Variants in COL5A2 observed in about 807,000 individuals in gnomAD.
COL5A2 encodes collagen alpha-2(V) chain.
Under a neutral mutation model 208.2 loss-of-function variants are expected in COL5A2, and 23 were observed. That is an observed-to-expected ratio of 0.11 (90% CI 0.08 to 0.16). The LOEUF (loss-of-function observed/expected upper bound fraction) is 0.16. Among genes scored for constraint, COL5A2 ranks in the 10% least tolerant of loss-of-function variants. The probability of loss-of-function intolerance (pLI) is 1.00; values close to 1 mark genes in which losing one functional copy is unlikely to be tolerated. For synonymous variants in COL5A2, 625 were observed against 628.5 expected, an observed-to-expected ratio of 0.99 and a Z score of 0.08; for missense variants, 1,590 against 1,956.4, an observed-to-expected ratio of 0.81 and a Z score of 3.53.
the COL5A2 span, among the ~76,000 whole-genome samples, chr2:189,261,699 G>A: frequency 2.0e-5 from 3 of 152,130 alleles, no homozygotes; most frequent in African/African-American, 7.2e-5. Context: ...CAGAATTTGG[G>A]GTAGAGTGTA....
intron 1 of COL5A2, among the ~76,000 whole-genome samples, chr2:189,176,395 C>T (rs571452050): frequency 1.3e-5 from 2 of 152,284 alleles, no homozygotes; most frequent in South Asian, 4.1e-4. Flanking sequence ...CACTGGCTTG[C>T]TTCACTTGTT....
At chr2:189,318,502 C>G in the COL5A2 span, among the ~76,000 whole-genome samples, 3 of 152,124 alleles carry the variant, frequency 2.0e-5, no homozygotes, top group South Asian at 6.2e-4. Context: ...TTGCCATGAG[C>G]TTATAAGATA....
chr2:189,162,746 TA>T (rs1688392711), intron 1 of COL5A2, among the ~76,000 whole-genome samples: 1 of 152,236 alleles, frequency 6.6e-6, no homozygotes, highest in East Asian at 1.9e-4. Context: ...TGTAAAGATG[TA>T]AAAAAGAGGC....
intron 1 of COL5A2, among the ~76,000 whole-genome samples, chr2:189,140,068 A>C (rs1687907018): frequency 6.6e-6 from 1 of 152,112 alleles, no homozygotes; most frequent in South Asian, 2.1e-4. Context: ...GAGAGACTCT[A>C]TCTCAAAAAA....
intron 5 of COL5A2, 84 bp downstream of exon 5, chr2:189,098,643 C>T: frequency 9.3e-7 from 1 of 1,075,552 alleles, no homozygotes; most frequent in Admixed American, 1.7e-5. Flanking sequence ...ATTCTTTTAT[C>T]TTCTCATGGA....
the COL5A2 span, among the ~76,000 whole-genome samples, chr2:189,346,418 G>A: frequency 6.6e-6 from 1 of 151,998 alleles, no homozygotes; most frequent in South Asian, 2.1e-4. Context: ...TTTTTGCTTT[G>A]GTGACATTTG....
intron 1 of COL5A2, among the ~76,000 whole-genome samples, chr2:189,196,435 T>C (rs1432528042): frequency 1.4e-5 from 2 of 147,044 alleles, no homozygotes; most frequent in Non-Finnish European, 3.0e-5. Flanking sequence ...TATTTTATTA[T>C]TTTGGGAAAA....
the COL5A2 span, among the ~76,000 whole-genome samples, chr2:189,336,340 G>A: frequency 6.6e-6 from 1 of 152,154 alleles, no homozygotes; most frequent in African/African-American, 2.4e-5. Flanking sequence ...TTTAACATAG[G>A]GTTCTGTGAT....
At chr2:189,162,303 A>G (rs1310230684) in intron 1 of COL5A2, among the ~76,000 whole-genome samples, 1 of 152,232 alleles carries the variant, frequency 6.6e-6, no homozygotes, top group South Asian at 2.1e-4. Context: ...CATGTTTACC[A>G]AATTAATGAA....
At position 189,039,235 on chromosome 2, in the gene COL5A2, C is replaced by A. The variant is rs55749146; in HGVS notation, c.3925+37G>T. The A allele has an allele frequency of 0.023, 36,871 of 1,611,548 alleles. 493 individuals are homozygous for A. Among genetic ancestry groups the A allele is most frequent in the African/African-American group, 0.034 (2,539 of 74,992 alleles). On this transcript the variant is annotated intron_variant, in intron 51 of 53. Transcript: ENST00000374866. ...GCAGTTGAGAATAAACAATCAGAAA[C>A]AACGGGTTTTGCTCAAATGGGCTGC...
intron 35 of COL5A2, among the ~76,000 whole-genome samples, chr2:189,054,736 G>A (rs1576496767): frequency 9.2e-6 from 1 of 109,136 alleles, no homozygotes; most frequent in Non-Finnish European, 1.7e-5. Flanking sequence ...ACTCTACATT[G>A]CCCAGAATGG....
At chr2:189,378,960 G>T in the COL5A2 span, among the ~76,000 whole-genome samples, 1 of 152,088 alleles carries the variant, frequency 6.6e-6, no homozygotes, top group Non-Finnish European at 1.5e-5. Flanking sequence ...AAAATTCAGT[G>T]AAGATGATTA....
At chr2:189,211,162 T>C (rs1248314114) in intron 1 of COL5A2, among the ~76,000 whole-genome samples, 1 of 152,216 alleles carries the variant, frequency 6.6e-6, no homozygotes, top group African/African-American at 2.4e-5. Context: ...CAGTTATGAT[T>C]TGTTTAACAG....
chr2:189,281,390 AACC>A, the COL5A2 span, among the ~76,000 whole-genome samples: 1 of 152,186 alleles, frequency 6.6e-6, no homozygotes, highest in Admixed American at 6.5e-5. Flanking sequence ...ATTAGGAGAG[AACC>A]ATGGCTGTGT....
At chr2:189,097,561 T>C (rs988558970) in intron 5 of COL5A2, 3 of 672,848 alleles carry the variant, frequency 4.5e-6, no homozygotes, top group African/African-American at 1.8e-5. Flanking sequence ...GTGCACATTA[T>C]GGCATCATGG....
At chr2:189,344,646 A>G in the COL5A2 span, among the ~76,000 whole-genome samples, 1 of 152,296 alleles carries the variant, frequency 6.6e-6, no homozygotes, top group East Asian at 1.9e-4. Flanking sequence ...CTGCAAATGG[A>G]AATTCTTTTG....
chr2:189,355,128 C>T, the COL5A2 span, among the ~76,000 whole-genome samples: 1 of 152,150 alleles, frequency 6.6e-6, no homozygotes, highest in Admixed American at 6.5e-5. Flanking sequence ...AATTTGATTG[C>T]ACTGTGGTCT....
chr2:189,035,706 T>A (rs568904325), intron 52 of COL5A2, among the ~76,000 whole-genome samples: 1 of 152,142 alleles, frequency 6.6e-6, no homozygotes, highest in Non-Finnish European at 1.5e-5. Context: ...ACTATTTATA[T>A]TTAAAATTTA....
the COL5A2 span, among the ~76,000 whole-genome samples, chr2:189,246,812 G>A: frequency 6.6e-6 from 1 of 152,184 alleles, no homozygotes; most frequent in Non-Finnish European, 1.5e-5. Flanking sequence ...CATCTTAGTG[G>A]GGAAAACTGG....
Sources: gnomAD v4.1 joint callset for allele counts (sites outside exome capture counted in the v4.1 genomes callset) on GRCh38, gnomAD v4.1.1 for gene constraint, MANE v1.5 for transcripts, NCBI Gene and HGNC (gene_info 2026-07-23, HGNC 2026-07-21) for gene names.